Variants in TCF12 observed in about 807,000 individuals in gnomAD.
The protein encoded by TCF12 is transcription factor 12, also known as DNA-binding protein HTF4.
Under a neutral mutation model 86.0 loss-of-function variants are expected in TCF12, and 45 were observed. The observed-to-expected ratio is 0.52, with a 90% CI of 0.41 to 0.67. The LOEUF (loss-of-function observed/expected upper bound fraction) is 0.67. Among genes scored for constraint, TCF12 ranks in the 30% least tolerant of loss-of-function variants. The pLI, the probability that TCF12 is intolerant of heterozygous loss-of-function variation, is 0.00. For missense variants in TCF12, 881 were observed against 859.9 expected (o/e 1.02, Z -0.31); for synonymous variants, 330 against 299.6 (o/e 1.10, Z -1.05).
intron 6 of TCF12, among the ~76,000 whole-genome samples, chr15:57,179,573 G>A (rs1360072880): frequency 6.6e-6 from 1 of 152,088 alleles, no homozygotes; most frequent in Non-Finnish European, 1.5e-5. Flanking sequence ...GATTTCGTTG[G>A]CAGGATACAT....
At chr15:57,083,323 T>C (rs1450517090) in intron 4 of TCF12, among the ~76,000 whole-genome samples, 1 of 152,154 alleles carries the variant, frequency 6.6e-6, no homozygotes, top group East Asian at 1.9e-4. Flanking sequence ...ATGTGTCTTG[T>C]TGATGTTTGC....
At chr15:57,002,784 A>G (rs1269669482) in intron 3 of TCF12, among the ~76,000 whole-genome samples, 3 of 152,248 alleles carry the variant, frequency 2.0e-5, no homozygotes, top group South Asian at 2.1e-4. Flanking sequence ...CAGACAGTCT[A>G]TGGCGCTTCT....
intron 3 of TCF12, among the ~76,000 whole-genome samples, chr15:56,954,817 A>G (rs1480754855): frequency 6.6e-6 from 1 of 152,230 alleles, no homozygotes; most frequent in Non-Finnish European, 1.5e-5. Flanking sequence ...CACATGAAAA[A>G]ATGCTCATCA....
intron 7 of TCF12, among the ~76,000 whole-genome samples, chr15:57,192,709 A>G (rs1046776187): frequency 6.6e-5 from 10 of 152,168 alleles, no homozygotes; most frequent in African/African-American, 2.4e-4. Flanking sequence ...TTTAATTAGA[A>G]GAGAGTTGGA....
At chr15:57,098,500 TACTGTATGGTAGAA>T (rs1468848827) in intron 5 of TCF12, among the ~76,000 whole-genome samples, 4 of 152,230 alleles carry the variant, frequency 2.6e-5, no homozygotes, top group Non-Finnish European at 5.9e-5. Flanking sequence ...CAGAGGAAAG[TACTGTATGGTAGAA>T]TATTAAAGTG....
chr15:57,231,000 T>C, intron 8 of TCF12, 152 bp from the exon 9 acceptor site: 1 of 544,752 alleles, frequency 1.8e-6, no homozygotes, highest in Non-Finnish European at 3.2e-6. Flanking sequence ...ACATTATTTA[T>C]GTGGATTTAG....
intron 3 of TCF12, among the ~76,000 whole-genome samples, chr15:57,052,832 C>T (rs1486581634): frequency 1.3e-5 from 2 of 152,142 alleles, no homozygotes; most frequent in African/African-American, 4.8e-5. Context: ...TTAGATAGTG[C>T]TCATGTAAAC....
chr15:57,077,323 ATATATGTGTG>A (rs1167026844), intron 4 of TCF12, among the ~76,000 whole-genome samples: 469 of 35,676 alleles, frequency 0.013, 23 homozygotes, highest in African/African-American at 0.059. Context: ...ATATATGTAT[ATATATGTGTG>A]TGTGTGTGTG....
intron 5 of TCF12, among the ~76,000 whole-genome samples, chr15:57,133,676 C>G (rs1014624873): frequency 6.7e-6 from 1 of 149,712 alleles, no homozygotes; most frequent in Non-Finnish European, 1.5e-5. Context: ...TGAATAGTTA[C>G]AGCAAACAGT....
At chr15:57,020,718 A>AG (rs2065427072) in intron 3 of TCF12, among the ~76,000 whole-genome samples, 2 of 152,196 alleles carry the variant, frequency 1.3e-5, no homozygotes, top group Admixed American at 1.3e-4. Flanking sequence ...ATGGGCAGTT[A>AG]GGTAAGCATG....
intron 8 of TCF12, among the ~76,000 whole-genome samples, chr15:57,224,356 G>A (rs1370833727): frequency 6.6e-6 from 1 of 152,058 alleles, no homozygotes; most frequent in African/African-American, 2.4e-5. Flanking sequence ...GAGATTATTA[G>A]AAAAATGATA....
intron 16 of TCF12, among the ~76,000 whole-genome samples, chr15:57,257,252 A>G (rs980689404): frequency 7.9e-5 from 12 of 152,230 alleles, no homozygotes; most frequent in Admixed American, 3.3e-4. Flanking sequence ...CTTGGAGCCT[A>G]TAACGTTTGG....
intron 5 of TCF12, among the ~76,000 whole-genome samples, chr15:57,129,578 G>C (rs1429848080): frequency 1.3e-5 from 2 of 152,070 alleles, no homozygotes; most frequent in African/African-American, 2.4e-5. Context: ...ATAATTTCAT[G>C]GGTTTATTGA....
chr15:57,123,996 TC>T (rs143749757), intron 5 of TCF12, among the ~76,000 whole-genome samples: 38,803 of 122,852 alleles, frequency 0.32, 8,818 homozygotes, highest in Non-Finnish European at 0.46. Context: ...TTTTTTTTTT[TC>T]CATAGGGACA....
At chr15:57,154,314 TA>T (rs1323342702) in intron 5 of TCF12, among the ~76,000 whole-genome samples, 1 of 152,148 alleles carries the variant, frequency 6.6e-6, no homozygotes, top group Non-Finnish European at 1.5e-5. Context: ...TTTTACTGAA[TA>T]AAAATGGTTT....
chr15:56,978,849 T>C (rs1021970191), intron 3 of TCF12, among the ~76,000 whole-genome samples: 2 of 152,190 alleles, frequency 1.3e-5, no homozygotes, highest in African/African-American at 4.8e-5. Flanking sequence ...TAAGAAATTC[T>C]AAAGATAGAA....
intron 3 of TCF12, among the ~76,000 whole-genome samples, chr15:57,013,501 A>G (rs1399624882): frequency 6.6e-6 from 1 of 152,096 alleles, no homozygotes; most frequent in Non-Finnish European, 1.5e-5. Context: ...TTGTATTTTC[A>G]GTAGAGATGG....
intron 6 of TCF12, among the ~76,000 whole-genome samples, chr15:57,179,435 C>G (rs897146772): frequency 6.6e-6 from 1 of 152,180 alleles, no homozygotes; most frequent in African/African-American, 2.4e-5. Flanking sequence ...CTGCAGTGAG[C>G]AGGAGAATTG....
At chr15:57,168,915 A>G (rs1284196829) in intron 6 of TCF12, among the ~76,000 whole-genome samples, 10 of 152,074 alleles carry the variant, frequency 6.6e-5, no homozygotes, top group African/African-American at 2.2e-4. Context: ...GCGTGGTGGC[A>G]GGCTCCTGTA....
Sources: allele counts gnomAD v4.1 joint callset (sites outside exome capture counted in the v4.1 genomes callset), GRCh38; gene constraint gnomAD v4.1.1; transcripts MANE v1.5; gene names NCBI Gene and HGNC (gene_info 2026-07-23, HGNC 2026-07-21).